FAM135B: variants seen among roughly 807,000 people sequenced by gnomAD.
The protein encoded by FAM135B is protein FAM135B.
In FAM135B, 43 loss-of-function variants were observed where a neutral mutation model predicts 127.7. The ratio of observed to expected loss-of-function variants is 0.34; its 90% CI spans 0.26 to 0.43. The LOEUF (loss-of-function observed/expected upper bound fraction) is 0.43. FAM135B is among the 20% of genes least tolerant of loss of function. The pLI, the probability that FAM135B is intolerant of heterozygous loss-of-function variation, is 1.00. For synonymous variants in FAM135B, 670 were observed against 665.1 expected (o/e 1.01, Z -0.11); for missense variants, 1,558 against 1,725.6 (o/e 0.90, Z 1.72).
At chr8:138,497,655 A>T (rs760693795), upstream of FAM135B, among the ~76,000 whole-genome samples, 57 of 152,252 alleles carry the variant, frequency 3.7e-4, no homozygotes, top group Non-Finnish European at 7.1e-4. Context: ...AGTGGCCTTC[A>T]ACCAGCCAGC....
intron 11 of FAM135B, 45 bp from the exon 12 acceptor site, chr8:138,168,094 G>A (rs760851664): frequency 1.3e-5 from 21 of 1,559,588 alleles, no homozygotes; most frequent in Non-Finnish European, 1.7e-5. Context: ...AGAGTCAGAG[G>A]TTTCCAAACC....
At chr8:138,262,023 T>G (rs1322338192) in intron 4 of FAM135B, among the ~76,000 whole-genome samples, 1 of 152,226 alleles carries the variant, frequency 6.6e-6, no homozygotes, top group East Asian at 1.9e-4. Context: ...CAATTAGCTG[T>G]GCCATTGTTT....
At chr8:138,161,883 T>A (rs1024353839) in intron 12 of FAM135B, among the ~76,000 whole-genome samples, 6 of 152,224 alleles carry the variant, frequency 3.9e-5, no homozygotes, top group African/African-American at 1.4e-4. Context: ...GCATCTGTTG[T>A]CAAGTCTAGA....
intron 4 of FAM135B, among the ~76,000 whole-genome samples, chr8:138,262,251 G>A (rs1023295151): frequency 2.0e-5 from 3 of 152,198 alleles, no homozygotes; most frequent in Admixed American, 6.5e-5. Context: ...TTCTCTGACG[G>A]AATTAAGATG....
intron 1 of FAM135B, among the ~76,000 whole-genome samples, chr8:138,377,345 G>A (rs557308142): frequency 6.6e-6 from 1 of 152,300 alleles, no homozygotes; most frequent in East Asian, 1.9e-4. Flanking sequence ...ATAGAGAAGG[G>A]ATCTACCTCA....
At chr8:138,278,023 A>G (rs780138857) in intron 3 of FAM135B, among the ~76,000 whole-genome samples, 60 of 152,058 alleles carry the variant, frequency 3.9e-4, no homozygotes, top group Admixed American at 4.6e-4. Context: ...CACAGCAGGT[A>G]TATGCCCCTT....
intron 2 of FAM135B, among the ~76,000 whole-genome samples, chr8:138,343,697 C>T (rs2131073179): frequency 6.6e-6 from 1 of 152,342 alleles, no homozygotes; most frequent in Non-Finnish European, 1.5e-5. Flanking sequence ...ACAACCATTC[C>T]ATCACCTCCC....
chr8:138,253,269 G>T (rs62532056), intron 5 of FAM135B, among the ~76,000 whole-genome samples: 3 of 152,016 alleles, frequency 2.0e-5, no homozygotes, highest in African/African-American at 7.2e-5. Context: ...GGGCCATGAC[G>T]TGAAGGAGTG....
At chr8:138,285,260 C>T (rs1231536508) in intron 3 of FAM135B, among the ~76,000 whole-genome samples, 1 of 145,948 alleles carries the variant, frequency 6.9e-6, no homozygotes, top group Admixed American at 7.2e-5. Context: ...GATTCTCCTG[C>T]CTTAGCCTCC....
At chr8:138,155,552 T>A (rs1454551255) in intron 12 of FAM135B, among the ~76,000 whole-genome samples, 2 of 151,980 alleles carry the variant, frequency 1.3e-5, no homozygotes, top group African/African-American at 4.8e-5. Context: ...AGGAGACCCA[T>A]CTCATGTGCA....
At chr8:138,433,807 G>A (rs1439486105) in intron 1 of FAM135B, among the ~76,000 whole-genome samples, 1 of 152,160 alleles carries the variant, frequency 6.6e-6, no homozygotes, top group Non-Finnish European at 1.5e-5. Context: ...TGGAGAGGGA[G>A]AGAAATCAGA....
intron 7 of FAM135B, among the ~76,000 whole-genome samples, chr8:138,238,803 T>G (rs1820504303): frequency 2.6e-5 from 4 of 152,216 alleles, no homozygotes; most frequent in Admixed American, 6.5e-5. Flanking sequence ...GCAGCACTTG[T>G]CTGGTGGGAA....
chr8:138,185,680 T>C (rs7004639), intron 9 of FAM135B, among the ~76,000 whole-genome samples: 10,752 of 152,172 alleles, frequency 0.071, 954 homozygotes, highest in African/African-American at 0.21. Context: ...CAATTTGGGA[T>C]CTCCCAGAAG....
At chr8:138,195,893 G>A (rs1262125962) in intron 8 of FAM135B, among the ~76,000 whole-genome samples, 2 of 152,098 alleles carry the variant, frequency 1.3e-5, no homozygotes, top group African/African-American at 4.8e-5. Flanking sequence ...TGATGCTGTG[G>A]TCAGTCATTT....
chr8:138,216,146 C>A (rs1207636285), intron 7 of FAM135B, among the ~76,000 whole-genome samples: 1 of 152,080 alleles, frequency 6.6e-6, no homozygotes, highest in Non-Finnish European at 1.5e-5. Flanking sequence ...CATATCAACT[C>A]CAGGAATAGA....
chr8:138,449,762 A>G (rs976312373), intron 1 of FAM135B, among the ~76,000 whole-genome samples: 8 of 152,088 alleles, frequency 5.3e-5, no homozygotes, highest in African/African-American at 1.9e-4. Flanking sequence ...CCCATTATCA[A>G]TATTTCTCAC....
At chr8:138,441,159 G>C (rs1835741879) in intron 1 of FAM135B, 1 of 152,130 alleles carries the variant, frequency 6.6e-6, no homozygotes, top group Non-Finnish European at 1.5e-5. Flanking sequence ...TGCTGGGATG[G>C]ATATTTTTTA....
intron 3 of FAM135B, among the ~76,000 whole-genome samples, chr8:138,281,693 G>A (rs969258721): frequency 2.6e-5 from 4 of 152,036 alleles, no homozygotes; most frequent in Non-Finnish European, 5.9e-5. Flanking sequence ...TCACCTCCCT[G>A]TAAATTGGCA....
At chr8:138,226,825 G>C (rs752571583) in intron 7 of FAM135B, among the ~76,000 whole-genome samples, 2 of 151,514 alleles carry the variant, frequency 1.3e-5, no homozygotes, top group Non-Finnish European at 2.9e-5. Context: ...GCCTCCCAAA[G>C]TGCTGGGATT....
Sources: gnomAD v4.1 joint callset for allele counts (sites outside exome capture counted in the v4.1 genomes callset) on GRCh38, gnomAD v4.1.1 for gene constraint, MANE v1.5 for transcripts, NCBI Gene and HGNC (gene_info 2026-07-23, HGNC 2026-07-21) for gene names.